CC2D2A: variants seen among roughly 807,000 people sequenced by gnomAD.
CC2D2A encodes the protein coiled-coil and C2 domain-containing protein 2A.
A neutral mutation model predicts 212.9 loss-of-function variants in CC2D2A; 155 were observed. That is an observed-to-expected ratio of 0.73 (90% confidence interval 0.64 to 0.83). The LOEUF (loss-of-function observed/expected upper bound fraction) is 0.83, where lower values mean the gene tolerates loss of function less well. Ranked by LOEUF, CC2D2A falls within the 40% of genes least tolerant of loss-of-function variation. The pLI is 0.00. For missense variants in CC2D2A, 1,856 were observed against 1,956.2 expected, an observed-to-expected ratio of 0.95 and a Z score of 0.97; for synonymous variants, 667 against 686.5, an observed-to-expected ratio of 0.97 and a Z score of 0.44.
chr4:15,504,238 G>A (rs1034983730), intron 6 of CC2D2A, among the ~76,000 whole-genome samples: 5 of 152,138 alleles, frequency 3.3e-5, no homozygotes, highest in East Asian at 3.9e-4. Flanking sequence ...TTTTGTGGTC[G>A]TCAGTAGGAA....
At chr4:15,510,085 G>A in intron 6 of CC2D2A, 54 bp from the exon 7 acceptor site, 2 of 1,359,752 alleles carry the variant, frequency 1.5e-6, no homozygotes, top group Non-Finnish European at 1.0e-6. Flanking sequence ...TTTTAGAACA[G>A]CCTAAGTTTC....
intron 4 of CC2D2A, among the ~76,000 whole-genome samples, chr4:15,488,915 T>A (rs548636232): frequency 1.3e-5 from 2 of 152,300 alleles, no homozygotes; most frequent in East Asian, 3.9e-4. Context: ...AGTCATGACA[T>A]CCCAAATAAA....
intron 22 of CC2D2A, among the ~76,000 whole-genome samples, chr4:15,560,057 C>T (rs998168691): frequency 7.3e-5 from 11 of 150,808 alleles, no homozygotes; most frequent in Admixed American, 3.3e-4. Context: ...GTCTCGAACT[C>T]CTGAGCTCAA....
chr4:15,535,199 G>T (rs1413227576), intron 14 of CC2D2A, among the ~76,000 whole-genome samples: 1 of 152,092 alleles, frequency 6.6e-6, no homozygotes, highest in East Asian at 1.9e-4. Flanking sequence ...TCCAGTGTTT[G>T]TGCTTTCGAA....
chr4:15,553,091 T>G, intron 18 of CC2D2A, 67 bp from the exon 19 acceptor site: 1 of 1,440,150 alleles, frequency 6.9e-7, no homozygotes, highest in Non-Finnish European at 9.2e-7. Flanking sequence ...ACTATCTGCT[T>G]TCTTGCCAGG....
chr4:15,502,607 G>C, intron 5 of CC2D2A, 90 bp downstream of exon 5: 1 of 1,177,270 alleles, frequency 8.5e-7, no homozygotes, highest in South Asian at 1.4e-5. Flanking sequence ...AAACTGCATG[G>C]ATTTGAATAC....
chr4:15,495,474 A>G (rs530712294), intron 4 of CC2D2A, among the ~76,000 whole-genome samples: 1 of 152,312 alleles, frequency 6.6e-6, no homozygotes, highest in South Asian at 2.1e-4. Context: ...AAGTAAGAAC[A>G]TGCGGTATTT....
chr4:15,478,936 G>A, intron 3 of CC2D2A, 130 bp downstream of exon 3: 1 of 762,940 alleles, frequency 1.3e-6, no homozygotes, highest in Non-Finnish European at 2.2e-6. Context: ...CTGCTCTGGG[G>A]GGCTGTGAGG....
intron 14 of CC2D2A, among the ~76,000 whole-genome samples, chr4:15,536,074 C>A (rs1718113543): frequency 6.6e-6 from 1 of 152,206 alleles, no homozygotes; most frequent in Non-Finnish European, 1.5e-5. Flanking sequence ...ACAGAACACA[C>A]TGTGGGAAAC....
At chr4:15,573,551 A>C (rs1318087865) in intron 28 of CC2D2A, among the ~76,000 whole-genome samples, 1 of 152,196 alleles carries the variant, frequency 6.6e-6, no homozygotes, top group African/African-American at 2.4e-5. Context: ...TCGGCCTCCC[A>C]AAGTGCTGGG....
intron 17 of CC2D2A, among the ~76,000 whole-genome samples, chr4:15,545,885 G>A (rs552387774): frequency 1.1e-3 from 163 of 152,240 alleles, no homozygotes; most frequent in African/African-American, 3.7e-3. Context: ...GAGACGGAAG[G>A]ATAGCTTGGG....
At chr4:15,510,720 G>C (rs897920136) in intron 7 of CC2D2A, among the ~76,000 whole-genome samples, 2 of 152,200 alleles carry the variant, frequency 1.3e-5, no homozygotes, top group African/African-American at 4.8e-5. Flanking sequence ...AATATTGCCT[G>C]ACTTGAGGAT....
intron 3 of CC2D2A, chr4:15,479,229 A>T (rs749544343): frequency 2.7e-5 from 42 of 1,536,562 alleles, no homozygotes; most frequent in Non-Finnish European, 3.7e-5. Context: ...GCAGAAGCCA[A>T]CTCCTTTCTC....
In CC2D2A at chr4:15,584,377, G is replaced by A. The variant is rs973855346; in HGVS notation, c.3976-1780G>A. Reference sequence around the variant, plus strand: ...TTACAGCCAACTGATTTTTGACTAAGGCACCAAGAACACACATTGGGAAAA... The same window carrying A: ...TTACAGCCAACTGATTTTTGACTAAAGCACCAAGAACACACATTGGGAAAA... On this transcript the variant is annotated intron_variant, in intron 30 of 36. Coordinates refer to ENST00000424120, the MANE Select transcript of CC2D2A (RefSeq NM_001378615.1). Among the ~76,000 whole-genome samples the A allele has an allele frequency of 3.9e-5, 6 of 152,216 alleles. No homozygotes were observed. The East Asian group carries it at 1.2e-3, about 29-fold the overall frequency.
At position 15,569,380 on chromosome 4, in the gene CC2D2A, T is replaced by C; in HGVS notation, c.3486T>C (p.Asp1162=). The change falls in exon 27 of 37, where the codon GAT becomes GAC. Residue 1162 remains aspartate, a synonymous_variant. Coordinates refer to ENST00000424120, the MANE Select transcript of CC2D2A (RefSeq NM_001378615.1). ...FINIFDEVLH[D]VLEDDRERGS... is the part of the protein sequence containing the mutation. ...ACATTTTTGATGAAGTACTGCATGA[T>C]GTCTTAGAGGTAAGTTCTCAGTTTT... is the stretch of plus-strand genomic sequence containing the variant. The C allele has an allele frequency of 1.9e-6, 3 of 1,556,974 alleles. No homozygotes were observed. The highest frequency in any genetic ancestry group is 4.6e-5 in the East Asian group (2 of 43,094).
Position 15,511,334 on chromosome 4 carries a change from C to T in CC2D2A, c.628C>T (p.Pro210Ser), listed in dbSNP as rs1206540451. 1 of 1,597,638 alleles carries T rather than the reference C, an allele frequency of 6.3e-7. No individual in the cohort carries two copies. The highest frequency in any genetic ancestry group is 1.8e-5 in the Admixed American group (1 of 56,680). ...CGAACCAGAAGGATCAGAGGAAAAA[C>T]CAAAAGCAAGACATAGAGCGGGAAC... The part of the protein sequence containing the change: ...DPEPEGSEEK[P>S]KARHRAGTNQ... Residue 210 changes from proline (P) to serine (S), a missense_variant, in exon 8 of 37, where the codon CCA becomes TCA. Coordinates refer to ENST00000424120, the MANE Select transcript of CC2D2A (RefSeq NM_001378615.1).
intron 1 of CC2D2A, among the ~76,000 whole-genome samples, chr4:15,474,816 G>A (rs572276987): frequency 5.9e-5 from 9 of 152,176 alleles, no homozygotes; most frequent in South Asian, 2.1e-4. Context: ...ACTGGACATG[G>A]CAACGCAGGG....
In CC2D2A at chr4:15,527,764, T is replaced by C. The variant is rs955636786; in HGVS notation, c.1359+108T>C. 3 of 799,082 alleles carry C rather than the reference T, an allele frequency of 3.8e-6. No individual in the cohort carries two copies. The East Asian group carries it at 8.0e-5, about 21-fold the overall frequency. The allele number at this position is 799,082 out of a possible 1,614,324, so 49.5% of individuals were successfully genotyped here. Reference sequence around the variant, plus strand: ...AATGTTCATGCCCCTCTTTCACATGTTTCCTCGGTTTAGGATGTGTGATAC... The same window carrying C: ...AATGTTCATGCCCCTCTTTCACATGCTTCCTCGGTTTAGGATGTGTGATAC... On this transcript the variant is annotated intron_variant, in intron 12 of 36. Coordinates refer to ENST00000424120, the MANE Select transcript of CC2D2A (RefSeq NM_001378615.1).
chr4:15,574,688 G>C (rs1459693656), intron 29 of CC2D2A, among the ~76,000 whole-genome samples: 1 of 152,150 alleles, frequency 6.6e-6, no homozygotes, highest in Non-Finnish European at 1.5e-5. Context: ...TCTTTTATTT[G>C]ACAAGTATTG....
Sources: allele counts gnomAD v4.1 joint callset (sites outside exome capture counted in the v4.1 genomes callset), GRCh38; gene constraint gnomAD v4.1.1; transcripts MANE v1.5; gene names NCBI Gene and HGNC (gene_info 2026-07-23, HGNC 2026-07-21).